Variants in CEP162 observed in about 807,000 individuals in gnomAD.
CEP162 encodes centrosomal protein of 162 kDa.
Under a neutral mutation model 169.2 loss-of-function variants are expected in CEP162, and 141 were observed. The observed-to-expected ratio is 0.83, with a 90% CI of 0.73 to 0.96. The LOEUF (loss-of-function observed/expected upper bound fraction) is 0.96, where lower values mean the gene tolerates loss of function less well. CEP162 is among the 40% of genes least tolerant of loss of function. CEP162 has a pLI of 0.00. For missense variants in CEP162, 1,600 were observed against 1,587.2 expected (o/e 1.01, Z -0.14); for synonymous variants, 540 against 526.4 (o/e 1.03, Z -0.35).
chr6:84,172,276 G>A (rs2099530456), intron 16 of CEP162, among the ~76,000 whole-genome samples: 1 of 152,152 alleles, frequency 6.6e-6, no homozygotes, highest in South Asian at 2.1e-4. Context: ...GCAGAGCAGA[G>A]GACAGACCCA....
chr6:84,213,273 T>C (rs1562091568), intron 5 of CEP162, among the ~76,000 whole-genome samples: 1 of 152,222 alleles, frequency 6.6e-6, no homozygotes, highest in African/African-American at 2.4e-5. Flanking sequence ...TTCTTAAATA[T>C]ACACAATTTT....
At chr6:84,170,373 C>CAAAAAAAAAAAAAAAAAA (rs57988482) in intron 17 of CEP162, among the ~76,000 whole-genome samples, 1 of 28,332 alleles carries the variant, frequency 3.5e-5, no homozygotes, top group African/African-American at 6.0e-5. Flanking sequence ...GACTCCGTCT[C>CAAAAAAAAAAAAAAAAAA]AAAAAAAAAA....
rs2099520360 is a variant in CEP162 at position 84,149,604 on chromosome 6, A to G, written c.3729T>C (p.Ser1243=). 2 of 1,604,262 alleles carry G rather than the reference A, an allele frequency of 1.2e-6. No homozygotes were observed. Among genetic ancestry groups the G allele is most frequent in the Non-Finnish European group, 1.7e-6 (2 of 1,175,064 alleles). The change falls in exon 24 of 27, where the codon TCT becomes TCC. Residue 1243 remains serine (S), a synonymous_variant. Coordinates refer to ENST00000403245, the MANE Select transcript of CEP162 (RefSeq NM_014895.4). Reference sequence around the variant, plus strand: ...TACGATTTAGTTCAGCTACTTTGGAAGAAGAATTTTCTACTGCATTTTGGC... The same window carrying G: ...TACGATTTAGTTCAGCTACTTTGGAGGAAGAATTTTCTACTGCATTTTGGC... ...LLCQNAVENS[S]SKVAELNRKI...
intron 6 of CEP162, among the ~76,000 whole-genome samples, chr6:84,211,179 A>G (rs1028116432): frequency 1.1e-4 from 17 of 152,112 alleles, no homozygotes; most frequent in Non-Finnish European, 1.6e-4. Flanking sequence ...GAAAAATGCT[A>G]AAGAATTTTA....
At chr6:84,214,139 C>T (rs537086836) in intron 5 of CEP162, among the ~76,000 whole-genome samples, 1 of 152,206 alleles carries the variant, frequency 6.6e-6, no homozygotes, top group African/African-American at 2.4e-5. Flanking sequence ...ATTAGCCAGG[C>T]GTGGTGGCAG....
chr6:84,221,719 A>G (rs1469779576), intron 2 of CEP162, among the ~76,000 whole-genome samples: 1 of 151,986 alleles, frequency 6.6e-6, no homozygotes, highest in East Asian at 1.9e-4. Context: ...CCTCAGTATC[A>G]CCCCCCACCA....
intron 21 of CEP162, among the ~76,000 whole-genome samples, chr6:84,157,394 G>C (rs142594487): frequency 1.3e-5 from 2 of 152,284 alleles, no homozygotes; most frequent in East Asian, 3.9e-4. Context: ...CTTCAGGGCT[G>C]GGTGCGATGG....
At chr6:84,194,778 A>C in intron 10 of CEP162, 106 bp downstream of exon 10, 1 of 940,998 alleles carries the variant, frequency 1.1e-6, no homozygotes, top group Non-Finnish European at 1.6e-6. Context: ...TTAAGCTCAG[A>C]GACTGAGAAA....
At chr6:84,189,310 C>A (rs2099538661) in intron 11 of CEP162, among the ~76,000 whole-genome samples, 2 of 152,154 alleles carry the variant, frequency 1.3e-5, no homozygotes, top group Admixed American at 1.3e-4. Flanking sequence ...CTGTGGGAGC[C>A]CCTTTCTGGG....
chr6:84,225,688 G>A (rs2099555435), intron 2 of CEP162, among the ~76,000 whole-genome samples: 1 of 150,102 alleles, frequency 6.7e-6, no homozygotes, highest in Non-Finnish European at 1.5e-5. Flanking sequence ...GCAGAAAACA[G>A]ACCCATACAA....
chr6:84,134,273 T>C (rs2099512925), intron 25 of CEP162, among the ~76,000 whole-genome samples: 1 of 152,182 alleles, frequency 6.6e-6, no homozygotes, highest in African/African-American at 2.4e-5. Context: ...TTCAAGCCAG[T>C]GGATCTTAGC....
intron 3 of CEP162, chr6:84,219,066 A>G (rs2099552638): frequency 2.0e-5 from 13 of 663,220 alleles, no homozygotes; most frequent in Non-Finnish European, 2.6e-5. Flanking sequence ...GCAAAATTAT[A>G]ATGTAAAAGC....
intron 13 of CEP162, among the ~76,000 whole-genome samples, chr6:84,179,220 C>A (rs1361374415): frequency 6.6e-6 from 1 of 152,174 alleles, no homozygotes; most frequent in Non-Finnish European, 1.5e-5. Flanking sequence ...GTTCTAGATC[C>A]TTGAGGAATC....
intron 25 of CEP162, among the ~76,000 whole-genome samples, chr6:84,133,306 T>G (rs903852944): frequency 2.0e-5 from 3 of 152,206 alleles, no homozygotes; most frequent in Non-Finnish European, 4.4e-5. Flanking sequence ...TACTCAAGTG[T>G]CAGGGACCCA....
At chr6:84,196,814 A>C (rs1182893223) in intron 9 of CEP162, among the ~76,000 whole-genome samples, 1 of 152,204 alleles carries the variant, frequency 6.6e-6, no homozygotes, top group African/African-American at 2.4e-5. Flanking sequence ...TTACAATGAG[A>C]TGTCTTTCTA....
intron 25 of CEP162, among the ~76,000 whole-genome samples, chr6:84,141,483 A>G (rs932478542): frequency 1.3e-5 from 2 of 152,138 alleles, no homozygotes; most frequent in Non-Finnish European, 2.9e-5. Context: ...TTGATCTACC[A>G]GAAGATCTTC....
At chr6:84,190,085 A>G (rs1282707544) in intron 11 of CEP162, among the ~76,000 whole-genome samples, 1 of 150,198 alleles carries the variant, frequency 6.7e-6, no homozygotes, top group Non-Finnish European at 1.5e-5. Context: ...TCTGGTGAGG[A>G]CGTGGAGAGT....
At chr6:84,154,916 C>T (rs563464636) in intron 22 of CEP162, among the ~76,000 whole-genome samples, 6 of 152,114 alleles carry the variant, frequency 3.9e-5, no homozygotes, top group Non-Finnish European at 8.8e-5. Context: ...ATGTATACTT[C>T]TGTCTTATTC....
At chr6:84,143,075 C>G (rs1342080763) in intron 25 of CEP162, among the ~76,000 whole-genome samples, 1 of 152,014 alleles carries the variant, frequency 6.6e-6, no homozygotes, top group African/African-American at 2.4e-5. Context: ...ACCCAAATCT[C>G]TTTGGTATAG....
Sources: allele counts gnomAD v4.1 joint callset (sites outside exome capture counted in the v4.1 genomes callset), GRCh38; gene constraint gnomAD v4.1.1; transcripts MANE v1.5; gene names NCBI Gene and HGNC (gene_info 2026-07-23, HGNC 2026-07-21).